The following ZNF532 variants were observed in gnomAD, a reference collection of about 807,000 sequenced individuals.
The protein encoded by ZNF532 is zinc finger protein 532.
Under a neutral mutation model 89.3 loss-of-function variants are expected in ZNF532, and 22 were observed. The observed-to-expected ratio is 0.25, with a 90% CI of 0.18 to 0.35. The LOEUF is 0.35. ZNF532 is among the 10% of genes least tolerant of loss of function. The pLI is 1.00. For synonymous variants in ZNF532, 606 were observed against 649.6 expected (o/e 0.93, Z 1.02); for missense variants, 1,132 against 1,643.4 (o/e 0.69, Z 5.38).
chr18:58,954,738 A>C (rs1454224061), intron 7 of ZNF532, among the ~76,000 whole-genome samples: 1 of 143,496 alleles, frequency 7.0e-6, no homozygotes, highest in Non-Finnish European at 1.5e-5. Flanking sequence ...TTTGAGAAAG[A>C]GTCTCACTCT....
At chr18:58,888,855 T>TATATA (rs1568248215) in intron 2 of ZNF532, among the ~76,000 whole-genome samples, 3 of 39,292 alleles carry the variant, frequency 7.6e-5, no homozygotes, top group African/African-American at 2.7e-4. Flanking sequence ...ATATATATAA[T>TATATA]TTATATATAT....
Position 58,950,770 on chromosome 18 carries a change from C to G in ZNF532, c.2868+2541C>G, listed in dbSNP as rs1359082440. On this transcript the variant is annotated intron_variant, in intron 6 of 9. Coordinates refer to ENST00000591808, the MANE Select transcript of ZNF532 (RefSeq NM_001375912.1). ...ATTGTTATAGGAGCTAAGGAAAAAT[C>G]AATTTGAAAAGAAATAAGTTGTTTC... is the stretch of plus-strand genomic sequence containing the variant. Among the ~76,000 whole-genome samples, 3 of 152,162 alleles carry G rather than the reference C, an allele frequency of 2.0e-5. No individual in the cohort carries two copies. In the East Asian group the frequency reaches 5.8e-4, roughly 29 times the overall value.
intron 7 of ZNF532, 160 bp downstream of exon 7, chr18:58,953,959 T>C (rs904160655): frequency 6.1e-6 from 6 of 985,156 alleles, no homozygotes; most frequent in Admixed American, 1.2e-4. Flanking sequence ...ATCTGTGAAA[T>C]AGACCTTTTC....
chr18:58,886,151 AT>A (rs570272683), intron 2 of ZNF532, among the ~76,000 whole-genome samples: 1 of 149,692 alleles, frequency 6.7e-6, no homozygotes. Flanking sequence ...TAATTTTTGT[AT>A]TTTTTTTTAG....
intron 2 of ZNF532, among the ~76,000 whole-genome samples, chr18:58,886,440 A>C (rs2058312175): frequency 6.6e-6 from 1 of 152,062 alleles, no homozygotes; most frequent in Non-Finnish European, 1.5e-5. Context: ...TTCAGTACTT[A>C]CAGTGACTCT....
At position 58,919,201 on chromosome 18, in the gene ZNF532, A is replaced by G. The variant is rs767858176; in HGVS notation, c.914A>G (p.Asn305Ser). The change falls in exon 3 of 10, where the codon AAT (asparagine) becomes AGT (serine). Residue 305 changes from asparagine to serine, a missense_variant. This residue lies in a region of ZNF532 where 124 missense variants were observed against 191.6 expected (regional missense o/e 0.65). Transcript: ENST00000591808. The surrounding 1 kb of genome is among the most constrained non-coding windows in gnomAD (Gnocchi z 6.1). ...TCCTCCCCGTTACCAAAAGAAGTAAATGACAGTCCGAGAGCCGCTGACAAG... is the reference window on the plus strand; with the variant it reads ...TCCTCCCCGTTACCAAAAGAAGTAAGTGACAGTCCGAGAGCCGCTGACAAG... ...RESSPLPKEV[N>S]DSPRAADKSP... 4.3e-6 allele frequency: 7 copies of G among 1,613,976 alleles called. No homozygotes were observed. The highest frequency in any genetic ancestry group is 2.2e-5 in the East Asian group (1 of 44,896).
At chr18:58,894,091 G>T (rs2059093904) in intron 2 of ZNF532, among the ~76,000 whole-genome samples, 1 of 152,210 alleles carries the variant, frequency 6.6e-6, no homozygotes, top group Non-Finnish European at 1.5e-5. Context: ...GCCTTTCTTT[G>T]TGGCCTGCCA....
At chr18:58,864,065 ACTC>A (rs2056212943), upstream of ZNF532, 1 of 151,138 alleles carries the variant, frequency 6.6e-6, no homozygotes, top group African/African-American at 2.4e-5. Context: ...CGGCTCTCCT[ACTC>A]CCCCCGCCGG....
intron 2 of ZNF532, among the ~76,000 whole-genome samples, chr18:58,883,178 C>T (rs2058052220): frequency 6.6e-6 from 1 of 152,168 alleles, no homozygotes; most frequent in Non-Finnish European, 1.5e-5. Context: ...AATTAATTCT[C>T]TTTCTCTGTG....
chr18:58,909,738 T>C (rs949572959), intron 2 of ZNF532, among the ~76,000 whole-genome samples: 3 of 152,090 alleles, frequency 2.0e-5, no homozygotes, highest in Admixed American at 2.0e-4. Context: ...GTTTTCTGGC[T>C]GTGAGACTAC....
chr18:58,954,219 C>T, intron 7 of ZNF532: 3 of 989,572 alleles, frequency 3.0e-6, no homozygotes, highest in Non-Finnish European at 3.6e-6. Flanking sequence ...CATGATTCTT[C>T]CTTGAGTTTG....
intron 2 of ZNF532, among the ~76,000 whole-genome samples, chr18:58,885,765 A>T (rs1204132187): frequency 6.6e-6 from 1 of 151,664 alleles, no homozygotes; most frequent in Non-Finnish European, 1.5e-5. Context: ...GAGGCAGGAG[A>T]ATCACTGGAA....
In ZNF532 at chr18:58,948,208, A is replaced by T; in HGVS notation, c.2847A>T (p.Gln949His). The T allele has an allele frequency of 6.2e-7, 1 of 1,612,742 alleles. No homozygotes were observed. The highest frequency in any genetic ancestry group is 2.2e-5 in the East Asian group (1 of 44,866). Residue 949 changes from glutamine to histidine, a missense_variant, in exon 6 of 10, where the codon CAA becomes CAT. By Grantham distance (24) the Gln-to-His change is conservative. Transcript: ENST00000591808. ...PDCSLLYAQK[Q>H]LMMDHIKSMH... is the part of the protein sequence containing the mutation. ...GTTCTCTTTTATATGCACAGAAGCAACTTATGATGGACCATATCAAGGTGT... is the reference window on the plus strand; with the variant it reads ...GTTCTCTTTTATATGCACAGAAGCATCTTATGATGGACCATATCAAGGTGT...
At chr18:58,917,489 A>G (rs1250886665) in intron 2 of ZNF532, among the ~76,000 whole-genome samples, 1 of 152,124 alleles carries the variant, frequency 6.6e-6, no homozygotes, top group Non-Finnish European at 1.5e-5. Flanking sequence ...CTCCCCTGAC[A>G]ATCACTTGTC....
At position 58,934,423 on chromosome 18, in the gene ZNF532, G is replaced by C. The variant is rs759535137; in HGVS notation, c.2347-10G>C. The C allele has an allele frequency of 1.2e-6, 2 of 1,611,464 alleles. No homozygotes were observed. The highest frequency in any genetic ancestry group is 1.7e-6 in the Non-Finnish European group (2 of 1,178,320). ...AGGACCAACCCTGTTTCCCCCTTTG[G>C]TTTGTTTAGAAGACTTGCACTATCT... On this transcript the variant is annotated splice_polypyrimidine_tract_variant and intron_variant, in intron 3 of 9. Transcript: ENST00000591808.
At chr18:58,869,983 G>T (rs979523493) in intron 2 of ZNF532, among the ~76,000 whole-genome samples, 15 of 151,040 alleles carry the variant, frequency 9.9e-5, no homozygotes, top group African/African-American at 3.6e-4. Flanking sequence ...GGTCAGGCTG[G>T]TCTCGAACTC....
intron 7 of ZNF532, among the ~76,000 whole-genome samples, chr18:58,976,309 C>T (rs1455970577): frequency 1.3e-5 from 2 of 152,112 alleles, no homozygotes; most frequent in Non-Finnish European, 2.9e-5. Flanking sequence ...ATTTGCTAAG[C>T]TGCTCTTCAT....
intron 2 of ZNF532, among the ~76,000 whole-genome samples, chr18:58,874,077 A>G (rs1415984954): frequency 2.6e-5 from 4 of 152,118 alleles, no homozygotes; most frequent in Non-Finnish European, 4.4e-5. Context: ...TTGGGAGAGT[A>G]GCCTTAGTCC....
intron 3 of ZNF532, among the ~76,000 whole-genome samples, chr18:58,923,524 C>T (rs930830540): frequency 1.3e-5 from 2 of 152,224 alleles, no homozygotes; most frequent in South Asian, 2.1e-4. Flanking sequence ...CCATCCTAGC[C>T]TCCACATGTG....
Sources: gnomAD v4.1 joint callset for allele counts (sites outside exome capture counted in the v4.1 genomes callset) on GRCh38, gnomAD v4.1.1 for gene constraint, gnomAD v4.1.1 regional missense constraint, Gnocchi (gnomAD v3.1) non-coding constraint, MANE v1.5 for transcripts, NCBI Gene and HGNC (gene_info 2026-07-23, HGNC 2026-07-21) for gene names.